The following ZNF676 variants were observed in gnomAD, a reference collection of about 807,000 sequenced individuals.
ZNF676 encodes the protein zinc finger protein 676.
In ZNF676, 4 loss-of-function variants were observed where a neutral mutation model predicts 6.0. That is an observed-to-expected ratio of 0.67 (90% CI 0.33 to 1.53). The LOEUF is 1.53. Ranked by LOEUF, ZNF676 falls within the 40% of genes most tolerant of loss-of-function variation. ZNF676 has a pLI of 0.06. For synonymous variants in ZNF676, 198 were observed against 223.1 expected (o/e 0.89, Z 1.00); for missense variants, 644 against 679.7 (o/e 0.95, Z 0.58).
chr19:22,197,444 A>C (rs967110786), upstream of ZNF676, among the ~76,000 whole-genome samples: 1 of 150,806 alleles, frequency 6.6e-6, no homozygotes, highest in Non-Finnish European at 1.5e-5. Flanking sequence ...GTGTGCAATA[A>C]GCTAGAGATC....
the ZNF676 span, among the ~76,000 whole-genome samples, chr19:22,242,205 A>T: frequency 6.6e-6 from 1 of 151,952 alleles, no homozygotes; most frequent in Admixed American, 6.6e-5. Flanking sequence ...GTCAGTAGAG[A>T]GTGAGCAGGA....
At chr19:22,235,032 G>C in the ZNF676 span, among the ~76,000 whole-genome samples, 2 of 131,858 alleles carry the variant, frequency 1.5e-5, no homozygotes, top group African/African-American at 5.7e-5. Flanking sequence ...AAGAAAGAAA[G>C]AAAAGAAAAG....
chr19:22,214,598 CA>C (rs71924274), intron 1 of ZNF676, among the ~76,000 whole-genome samples: 23,360 of 87,020 alleles, frequency 0.27, 1,642 homozygotes, highest in South Asian at 0.31. Flanking sequence ...GACTTGGTCT[CA>C]AAAAAAAAAA....
chr19:22,226,304 T>C, the ZNF676 span, among the ~76,000 whole-genome samples: 1 of 152,116 alleles, frequency 6.6e-6, no homozygotes, highest in East Asian at 1.9e-4. Context: ...ATTGTTTTCA[T>C]TATAGCTTTT....
At chr19:22,213,262 G>C (rs1238520645) in intron 1 of ZNF676, among the ~76,000 whole-genome samples, 1 of 152,030 alleles carries the variant, frequency 6.6e-6, no homozygotes, top group East Asian at 1.9e-4. Flanking sequence ...CTTTGTCTTT[G>C]GAGTGCTATT....
At chr19:22,221,750 A>C in the ZNF676 span, among the ~76,000 whole-genome samples, 1 of 16,352 alleles carries the variant, frequency 6.1e-5, no homozygotes, top group Non-Finnish European at 1.0e-4. Flanking sequence ...GACTGTCACA[A>C]AAAAAAAAAA....
chr19:22,191,604 T>A (rs1353473270), intron 2 of ZNF676, among the ~76,000 whole-genome samples: 4 of 152,066 alleles, frequency 2.6e-5, no homozygotes, highest in Middle Eastern at 3.2e-3. Context: ...CTAATCCACA[T>A]CCTAATATAA....
At chr19:22,190,630 C>CATATATATATATATATATAT (rs74174059) in intron 2 of ZNF676, among the ~76,000 whole-genome samples, 9 of 66,816 alleles carry the variant, frequency 1.3e-4, no homozygotes, top group Non-Finnish European at 1.8e-4. Flanking sequence ...TAGAATGCAA[C>CATATATATATATATATATAT]ATATATATAT....
At chr19:22,260,205 G>A in the ZNF676 span, among the ~76,000 whole-genome samples, 11 of 152,098 alleles carry the variant, frequency 7.2e-5, no homozygotes, top group African/African-American at 2.2e-4. Context: ...CCTGCCCAGC[G>A]GTGGCCAGCA....
chr19:22,229,802 C>T, the ZNF676 span, among the ~76,000 whole-genome samples: 1 of 152,094 alleles, frequency 6.6e-6, no homozygotes, highest in Non-Finnish European at 1.5e-5. Context: ...CAATGAGATA[C>T]CATCTCACAA....
At chr19:22,196,223 A>T (rs568941326) in intron 1 of ZNF676, among the ~76,000 whole-genome samples, 11 of 152,206 alleles carry the variant, frequency 7.2e-5, no homozygotes, top group African/African-American at 2.4e-4. Flanking sequence ...ATGTGGGCAA[A>T]CTTGCTTCTG....
At chr19:22,206,556 T>G (rs1158983056) in intron 1 of ZNF676, among the ~76,000 whole-genome samples, 1 of 151,886 alleles carries the variant, frequency 6.6e-6, no homozygotes, top group Non-Finnish European at 1.5e-5. Context: ...ACACCTGTAA[T>G]CCCAGCTACT....
At chr19:22,215,998 AGC>A (rs2024184522), upstream of ZNF676, among the ~76,000 whole-genome samples, 1 of 152,224 alleles carries the variant, frequency 6.6e-6, no homozygotes, top group African/African-American at 2.4e-5. Context: ...CCTACCCCAG[AGC>A]ATGGGAAAAT....
chr19:22,234,356 T>C, the ZNF676 span, among the ~76,000 whole-genome samples: 1 of 152,168 alleles, frequency 6.6e-6, no homozygotes, highest in African/African-American at 2.4e-5. Context: ...ACCATGGGCA[T>C]TTGAGCCACT....
At position 22,212,348 on chromosome 19, in the gene ZNF676, C is replaced by T. The variant is rs186458384; in HGVS notation, c.3+3284G>A. Among the ~76,000 whole-genome samples the T allele has an allele frequency of 1.4e-3, 212 of 151,824 alleles. 4 individuals are homozygous for T. Among genetic ancestry groups the T allele is most frequent in the Non-Finnish European group, 2.4e-3 (161 of 67,952 alleles). ...TTTTTTGATACTCACCTTTTTATGC[C>T]CTTTGTAAATATTTTCTTACCTTTC... On this transcript the variant is annotated intron_variant, in intron 1 of 3. Transcript: ENST00000650058.
the ZNF676 span, among the ~76,000 whole-genome samples, chr19:22,222,134 T>G: frequency 6.6e-6 from 1 of 152,134 alleles, no homozygotes; most frequent in East Asian, 1.9e-4. Flanking sequence ...AGATGGAGTC[T>G]CACTCTGTCG....
the ZNF676 span, among the ~76,000 whole-genome samples, chr19:22,241,214 C>T: frequency 6.6e-6 from 1 of 151,946 alleles, no homozygotes; most frequent in Non-Finnish European, 1.5e-5. Context: ...CAGAATCACA[C>T]CAGCAGGATG....
At chr19:22,194,488 C>T (rs2023946483) in intron 1 of ZNF676, among the ~76,000 whole-genome samples, 1 of 152,044 alleles carries the variant, frequency 6.6e-6, no homozygotes, top group Non-Finnish European at 1.5e-5. Flanking sequence ...CTAAAAGGAG[C>T]CAAGGTTCAA....
At chr19:22,188,119 T>C (rs1332966202) in intron 2 of ZNF676, among the ~76,000 whole-genome samples, 1 of 152,044 alleles carries the variant, frequency 6.6e-6, no homozygotes. Context: ...CTCAATAAAA[T>C]ACTGGTAAAC....
Sources: gnomAD v4.1 joint callset for allele counts (sites outside exome capture counted in the v4.1 genomes callset) on GRCh38, gnomAD v4.1.1 for gene constraint, MANE v1.5 for transcripts, NCBI Gene and HGNC (gene_info 2026-07-23, HGNC 2026-07-21) for gene names.